Variants in PRKG1 observed in about 807,000 individuals in gnomAD.
PRKG1 encodes protein kinase cGMP-dependent 1, also known as cGMP-dependent protein kinase 1.
Under a neutral mutation model 88.1 loss-of-function variants are expected in PRKG1, and 35 were observed. The ratio of observed to expected loss-of-function variants is 0.40; its 90% CI spans 0.30 to 0.53. PRKG1 has a LOEUF of 0.53. PRKG1 is among the 20% of genes least tolerant of loss of function. The pLI is 0.59. For synonymous variants in PRKG1, 303 were observed against 292.5 expected (o/e 1.04, Z -0.37); for missense variants, 540 against 839.8 (o/e 0.64, Z 4.41).
At chr10:51,137,147 A>G (rs1037668852) in intron 1 of PRKG1, among the ~76,000 whole-genome samples, 3 of 152,058 alleles carry the variant, frequency 2.0e-5, no homozygotes, top group South Asian at 2.1e-4. Context: ...GGCCTCCCAA[A>G]GTGCTGGGAT....
intron 2 of PRKG1, among the ~76,000 whole-genome samples, chr10:51,392,453 G>T (rs1837431013): frequency 6.6e-6 from 1 of 152,180 alleles, no homozygotes; most frequent in Non-Finnish European, 1.5e-5. Context: ...TGGGGGTAAG[G>T]TCACAGATCC....
intron 7 of PRKG1, among the ~76,000 whole-genome samples, chr10:52,077,054 G>A (rs1246928813): frequency 1.3e-5 from 2 of 151,122 alleles, no homozygotes; most frequent in African/African-American, 2.4e-5. Flanking sequence ...CATTCCATTC[G>A]TAGGTATTTA....
At chr10:51,098,539 A>T (rs954903676) in intron 1 of PRKG1, among the ~76,000 whole-genome samples, 1 of 152,308 alleles carries the variant, frequency 6.6e-6, no homozygotes, top group South Asian at 2.1e-4. Context: ...CGGAAGGATG[A>T]AAGAGAGAAA....
chr10:51,720,973 G>A (rs961736122), intron 3 of PRKG1, among the ~76,000 whole-genome samples: 1 of 151,956 alleles, frequency 6.6e-6, no homozygotes, highest in African/African-American at 2.4e-5. Flanking sequence ...TTGGGAGGCA[G>A]AGGTGGGAGG....
chr10:51,275,477 G>A (rs991427619), intron 2 of PRKG1, among the ~76,000 whole-genome samples: 1 of 152,134 alleles, frequency 6.6e-6, no homozygotes, highest in Non-Finnish European at 1.5e-5. Context: ...TCCTCATAGC[G>A]TGGTGAGTTG....
intron 3 of PRKG1, among the ~76,000 whole-genome samples, chr10:51,567,867 G>A (rs746342439): frequency 6.6e-6 from 1 of 152,052 alleles, no homozygotes; most frequent in Non-Finnish European, 1.5e-5. Context: ...GATTACAGGT[G>A]TCAGCCACCA....
chr10:51,114,030 A>T (rs530630199), intron 1 of PRKG1, among the ~76,000 whole-genome samples: 1 of 150,948 alleles, frequency 6.6e-6, no homozygotes, highest in Non-Finnish European at 1.5e-5. Context: ...TTCCTGCCTC[A>T]TAGTTTAATT....
At chr10:51,514,169 C>T (rs1841506475) in intron 3 of PRKG1, among the ~76,000 whole-genome samples, 1 of 149,570 alleles carries the variant, frequency 6.7e-6, no homozygotes, top group Non-Finnish European at 1.5e-5. Context: ...GGGGATATCA[C>T]CACCGATCCC....
chr10:51,698,683 T>C (rs1472423243), intron 3 of PRKG1: 1 of 1,614,132 alleles, frequency 6.2e-7, no homozygotes, highest in Non-Finnish European at 8.5e-7. Context: ...GCATTCCAAG[T>C]TGGGGCTGCA....
At chr10:52,019,633 C>T (rs1005102744) in intron 5 of PRKG1, among the ~76,000 whole-genome samples, 1 of 152,100 alleles carries the variant, frequency 6.6e-6, no homozygotes, top group Admixed American at 6.5e-5. Context: ...TTGATATGCT[C>T]AGTCATTTAT....
intron 4 of PRKG1, among the ~76,000 whole-genome samples, chr10:51,844,722 C>T (rs1840358681): frequency 1.3e-5 from 2 of 152,074 alleles, no homozygotes; most frequent in Admixed American, 6.6e-5. Context: ...ATGTCAGGGG[C>T]TTAAAACTGG....
intron 7 of PRKG1, among the ~76,000 whole-genome samples, chr10:52,123,885 G>A (rs949155277): frequency 6.6e-6 from 1 of 152,002 alleles, no homozygotes; most frequent in Non-Finnish European, 1.5e-5. Flanking sequence ...ACTGAATGAT[G>A]TGGCCCTGTT....
chr10:52,031,472 CAATA>C (rs573085949), intron 5 of PRKG1, among the ~76,000 whole-genome samples: 62 of 152,158 alleles, frequency 4.1e-4, no homozygotes, highest in African/African-American at 1.4e-3. Context: ...TAATCTAAGA[CAATA>C]TATATATTTG....
intron 8 of PRKG1, 47 bp from the exon 9 acceptor site, chr10:52,161,842 C>A: frequency 1.9e-6 from 3 of 1,541,312 alleles, no homozygotes; most frequent in South Asian, 1.1e-5. Context: ...GTTGCCATTG[C>A]TACTATTTTG....
chr10:51,077,552 T>G (rs1403100441), intron 1 of PRKG1, among the ~76,000 whole-genome samples: 4 of 152,192 alleles, frequency 2.6e-5, no homozygotes, highest in South Asian at 2.1e-4. Flanking sequence ...TCTTGGTAAA[T>G]TTGGTCATTT....
intron 3 of PRKG1, among the ~76,000 whole-genome samples, chr10:51,506,731 G>A (rs1378825781): frequency 2.0e-5 from 3 of 152,108 alleles, no homozygotes; most frequent in African/African-American, 7.2e-5. Flanking sequence ...AACCCTTGTG[G>A]AAGGCATTGT....
At chr10:51,716,367 T>C (rs191607180) in intron 3 of PRKG1, among the ~76,000 whole-genome samples, 1 of 152,326 alleles carries the variant, frequency 6.6e-6, no homozygotes, top group Admixed American at 6.5e-5. Flanking sequence ...TTCTCTGCCA[T>C]TCTAAAATCC....
At chr10:51,154,586 A>C (rs1206296654) in intron 2 of PRKG1, among the ~76,000 whole-genome samples, 2 of 152,022 alleles carry the variant, frequency 1.3e-5, no homozygotes, top group Admixed American at 1.3e-4. Flanking sequence ...GTATATAAGA[A>C]ATATTCTTTC....
At chr10:51,899,181 TCAC>T (rs906732179) in intron 4 of PRKG1, among the ~76,000 whole-genome samples, 51 of 152,262 alleles carry the variant, frequency 3.3e-4, no homozygotes, top group African/African-American at 1.1e-3. Flanking sequence ...TCAATTTTAA[TCAC>T]CATGTCAGTG....
Sources: gnomAD v4.1 joint callset for allele counts (sites outside exome capture counted in the v4.1 genomes callset) on GRCh38, gnomAD v4.1.1 for gene constraint, MANE v1.5 for transcripts, NCBI Gene and HGNC (gene_info 2026-07-23, HGNC 2026-07-21) for gene names.